CASQ2: variants seen among roughly 807,000 people sequenced by gnomAD.
CASQ2 encodes calsequestrin-2.
Under a neutral mutation model 46.5 loss-of-function variants are expected in CASQ2, and 49 were observed. That is an observed-to-expected ratio of 1.05 (90% CI 0.84 to 1.34). CASQ2 has a LOEUF of 1.34. CASQ2 is among the 40% of genes most tolerant of loss of function. The pLI, the probability that CASQ2 is intolerant of heterozygous loss-of-function variation, is 0.00. For synonymous variants in CASQ2, 174 were observed against 168.5 expected, an observed-to-expected ratio of 1.03 and a Z score of -0.25; for missense variants, 486 against 481.3, an observed-to-expected ratio of 1.01 and a Z score of -0.09.
intron 1 of CASQ2, among the ~76,000 whole-genome samples, chr1:115,761,752 G>A (rs1444574262): frequency 6.6e-6 from 1 of 151,926 alleles, no homozygotes; most frequent in Non-Finnish European, 1.5e-5. Flanking sequence ...AAACTCAGAG[G>A]CCTACATTAC....
chr1:115,735,485 G>T (rs1203956973), intron 4 of CASQ2, among the ~76,000 whole-genome samples: 3 of 152,176 alleles, frequency 2.0e-5, no homozygotes, highest in Non-Finnish European at 4.4e-5. Flanking sequence ...ATTGAAAATT[G>T]CAAGGGCTAC....
chr1:115,707,380 T>C (rs1487518628), intron 8 of CASQ2, among the ~76,000 whole-genome samples: 1 of 152,184 alleles, frequency 6.6e-6, no homozygotes, highest in East Asian at 1.9e-4. Flanking sequence ...AGAGTGGACC[T>C]CGGTGATCTT....
chr1:115,756,848 G>A (rs1648779680), intron 1 of CASQ2, among the ~76,000 whole-genome samples: 1 of 152,204 alleles, frequency 6.6e-6, no homozygotes, highest in Non-Finnish European at 1.5e-5. Flanking sequence ...TCAGGAGGCT[G>A]AGGCAGAAGA....
intron 4 of CASQ2, 44 bp from the exon 5 acceptor site, chr1:115,733,018 G>A: frequency 1.5e-6 from 2 of 1,340,954 alleles, no homozygotes; most frequent in Middle Eastern, 3.6e-4. Context: ...TTTTCAAGAT[G>A]AACACAGAAG....
At chr1:115,743,217 A>G (rs1648256659) in intron 2 of CASQ2, among the ~76,000 whole-genome samples, 1 of 151,306 alleles carries the variant, frequency 6.6e-6, no homozygotes, top group African/African-American at 2.4e-5. Flanking sequence ...TTATTTATTT[A>G]TTTATTTATT....
intron 5 of CASQ2, among the ~76,000 whole-genome samples, chr1:115,728,116 G>A (rs896799359): frequency 2.1e-4 from 32 of 152,282 alleles, no homozygotes; most frequent in Non-Finnish European, 1.9e-4. Context: ...CCTAAGAGCT[G>A]ATGCACTGTG....
chr1:115,753,200 G>T (rs1472224033), intron 1 of CASQ2, among the ~76,000 whole-genome samples: 1 of 152,154 alleles, frequency 6.6e-6, no homozygotes, highest in Non-Finnish European at 1.5e-5. Flanking sequence ...GAGGTCCTGC[G>T]TGAGAGGTCA....
chr1:115,707,197 A>T (rs1459029596), intron 8 of CASQ2, among the ~76,000 whole-genome samples: 5 of 151,918 alleles, frequency 3.3e-5, no homozygotes, highest in African/African-American at 1.2e-4. Flanking sequence ...TTTAAATTTT[A>T]TTGTTTTATT....
At chr1:115,751,088 T>C (rs1193807873) in intron 1 of CASQ2, among the ~76,000 whole-genome samples, 2 of 152,228 alleles carry the variant, frequency 1.3e-5, no homozygotes, top group Admixed American at 1.3e-4. Context: ...CCAATATCTA[T>C]TCAATGGGAC....
intron 7 of CASQ2, among the ~76,000 whole-genome samples, chr1:115,721,062 A>G (rs1310461506): frequency 6.6e-6 from 1 of 152,250 alleles, no homozygotes; most frequent in African/African-American, 2.4e-5. Context: ...AGATGCAAAG[A>G]AAAATGCGGT....
chr1:115,722,800 C>A (rs1290475953), intron 7 of CASQ2, among the ~76,000 whole-genome samples: 2 of 152,166 alleles, frequency 1.3e-5, no homozygotes, highest in African/African-American at 4.8e-5. Context: ...GTAATCCCAG[C>A]ACTTTGGGAG....
At chr1:115,710,349 T>C (rs1654498310) in intron 8 of CASQ2, among the ~76,000 whole-genome samples, 2 of 152,216 alleles carry the variant, frequency 1.3e-5, no homozygotes, top group South Asian at 2.1e-4. Flanking sequence ...GCAAATGACT[T>C]GCCCAGCATC....
intron 8 of CASQ2, among the ~76,000 whole-genome samples, chr1:115,714,701 T>C (rs1038514631): frequency 1.3e-5 from 2 of 152,232 alleles, no homozygotes; most frequent in African/African-American, 2.4e-5. Flanking sequence ...GGTAAATCAC[T>C]GATTAACCAC....
At chr1:115,705,350 G>C in intron 8 of CASQ2, 58 bp from the exon 9 acceptor site, 1 of 1,106,614 alleles carries the variant, frequency 9.0e-7, no homozygotes, top group Non-Finnish European at 1.4e-6. Flanking sequence ...TTCTAATGTG[G>C]AGAGCAGAGT....
intron 8 of CASQ2, among the ~76,000 whole-genome samples, chr1:115,713,026 C>T (rs762631661): frequency 2.0e-5 from 3 of 152,112 alleles, no homozygotes; most frequent in African/African-American, 7.2e-5. Context: ...AGCTTGGAGA[C>T]GTTCCTTCCA....
intron 3 of CASQ2, among the ~76,000 whole-genome samples, chr1:115,739,368 G>T (rs1175692804): frequency 6.6e-6 from 1 of 151,910 alleles, no homozygotes; most frequent in East Asian, 1.9e-4. Context: ...GCCCACCTTG[G>T]CCTCCCAAAG....
chr1:115,714,341 G>A (rs143041097), intron 8 of CASQ2, among the ~76,000 whole-genome samples: 25 of 152,298 alleles, frequency 1.6e-4, no homozygotes, highest in African/African-American at 5.8e-4. Context: ...TATAGTGAGT[G>A]ATTTGGGCAA....
At chr1:115,710,123 C>T (rs570287874) in intron 8 of CASQ2, among the ~76,000 whole-genome samples, 43 of 152,270 alleles carry the variant, frequency 2.8e-4, no homozygotes, top group African/African-American at 1.0e-3. Context: ...GGATTATAGG[C>T]GAAAGCCACC....
intron 6 of CASQ2, among the ~76,000 whole-genome samples, chr1:115,725,834 C>G (rs1428556121): frequency 6.6e-6 from 1 of 152,170 alleles, no homozygotes; most frequent in Non-Finnish European, 1.5e-5. Flanking sequence ...GGCACAGGGT[C>G]AGCTCATTCC....
Sources: gnomAD v4.1 joint callset for allele counts (sites outside exome capture counted in the v4.1 genomes callset) on GRCh38, gnomAD v4.1.1 for gene constraint, MANE v1.5 for transcripts, NCBI Gene and HGNC (gene_info 2026-07-23, HGNC 2026-07-21) for gene names.